The following CSMD1 variants were observed in gnomAD, a reference collection of about 807,000 sequenced individuals.
The protein encoded by CSMD1 is CUB and Sushi multiple domains 1, also known as CUB and sushi domain-containing protein 1.
A neutral mutation model predicts 417.5 loss-of-function variants in CSMD1; 213 were observed. The ratio of observed to expected loss-of-function variants is 0.51; its 90% CI spans 0.46 to 0.57. The LOEUF (loss-of-function observed/expected upper bound fraction) is 0.57, where lower values mean the gene tolerates loss of function less well. CSMD1 is among the 20% of genes least tolerant of loss of function. The pLI is 0.00. For missense variants in CSMD1, 6,923 were observed against 4,529.7 expected (o/e 1.53, Z -15.17); for synonymous variants, 2,862 against 1,736.8 (o/e 1.65, Z -16.11).
intron 1 of CSMD1, among the ~76,000 whole-genome samples, chr8:4,766,478 C>G (rs6558914): frequency 6.6e-6 from 1 of 152,042 alleles, no homozygotes; most frequent in Non-Finnish European, 1.5e-5. Context: ...AAGAAGAGAG[C>G]TGCAACCAGA....
chr8:3,506,931 G>A (rs1041478835), intron 10 of CSMD1, among the ~76,000 whole-genome samples: 1 of 152,096 alleles, frequency 6.6e-6, no homozygotes, highest in Admixed American at 6.6e-5. Flanking sequence ...CTTAATAAAT[G>A]TGTTGATGTT....
At chr8:4,527,153 A>G (rs769066632) in intron 2 of CSMD1, among the ~76,000 whole-genome samples, 2 of 152,174 alleles carry the variant, frequency 1.3e-5, no homozygotes, top group Non-Finnish European at 2.9e-5. Context: ...AAGTTACCCA[A>G]TGACATAAGT....
intron 3 of CSMD1, among the ~76,000 whole-genome samples, chr8:4,258,126 G>A (rs1184984371): frequency 1.3e-5 from 2 of 150,792 alleles, no homozygotes; most frequent in Admixed American, 1.3e-4. Flanking sequence ...TCTATTTTTA[G>A]TAGAGATGAG....
At chr8:4,797,601 G>A (rs1190655208) in intron 1 of CSMD1, among the ~76,000 whole-genome samples, 4 of 152,102 alleles carry the variant, frequency 2.6e-5, no homozygotes, top group Admixed American at 6.5e-5. Context: ...GGGTATGGGG[G>A]GAGAGAGAAA....
intron 5 of CSMD1, among the ~76,000 whole-genome samples, chr8:3,997,358 G>A (rs1365531847): frequency 4.6e-5 from 7 of 152,118 alleles, no homozygotes; most frequent in African/African-American, 7.2e-5. Context: ...CCAGAGAACT[G>A]ACCACCCTGC....
chr8:3,348,983 T>C (rs750002248), intron 21 of CSMD1, among the ~76,000 whole-genome samples: 5 of 152,174 alleles, frequency 3.3e-5, no homozygotes, highest in Non-Finnish European at 7.3e-5. Flanking sequence ...TGGCTACATA[T>C]ACGGGTGCAC....
chr8:3,985,111 G>C (rs577728580), intron 5 of CSMD1, among the ~76,000 whole-genome samples: 4 of 152,092 alleles, frequency 2.6e-5, no homozygotes, highest in African/African-American at 9.6e-5. Context: ...TTGTCATGAA[G>C]AATTACACCA....
intron 5 of CSMD1, among the ~76,000 whole-genome samples, chr8:3,919,314 G>A (rs969130050): frequency 2.5e-4 from 37 of 150,716 alleles, no homozygotes; most frequent in African/African-American, 8.8e-4. Context: ...CATCAATTTT[G>A]TGTGGTCTAA....
chr8:3,626,985 T>A (rs1293924948), intron 7 of CSMD1, among the ~76,000 whole-genome samples: 1 of 151,910 alleles, frequency 6.6e-6, no homozygotes, highest in Non-Finnish European at 1.5e-5. Context: ...TTTACCATAG[T>A]ACGATATATA....
intron 12 of CSMD1, among the ~76,000 whole-genome samples, chr8:3,426,631 G>A (rs1057100172): frequency 1.3e-5 from 2 of 152,106 alleles, no homozygotes; most frequent in Non-Finnish European, 2.9e-5. Context: ...CACTTTCAAG[G>A]TGAGATGCCA....
At chr8:4,251,814 TGGA>T (rs1171092309) in intron 3 of CSMD1, among the ~76,000 whole-genome samples, 4 of 140,058 alleles carry the variant, frequency 2.9e-5, no homozygotes, top group Admixed American at 7.6e-5. Flanking sequence ...GAAGGACAGA[TGGA>T]GGAGGAGAGA....
At chr8:3,581,938 G>A (rs964267320) in intron 9 of CSMD1, among the ~76,000 whole-genome samples, 30 of 152,232 alleles carry the variant, frequency 2.0e-4, no homozygotes, top group African/African-American at 7.2e-4. Context: ...CCGAGTAGCT[G>A]GGATTATAGG....
chr8:3,818,596 C>G lies in CSMD1; in HGVS notation c.819-64554G>C, dbSNP rs1455271583. On this transcript the variant is annotated intron_variant, in intron 5 of 69. Coordinates refer to ENST00000635120, the MANE Select transcript of CSMD1 (RefSeq NM_033225.6). ...GAAGGAGGTGCAAGAATGAGAAGTG[C>G]TAGAAAAGGGAGAAACAGGGTCCCA... is the stretch of plus-strand genomic sequence containing the variant. 2.0e-5 allele frequency among the ~76,000 whole-genome samples: 3 copies of G among 151,802 alleles called. No individual in the cohort carries two copies. The East Asian group carries it at 5.8e-4, about 29-fold the overall frequency.
chr8:4,372,164 G>C (rs1048196743), intron 3 of CSMD1, among the ~76,000 whole-genome samples: 1 of 152,146 alleles, frequency 6.6e-6, no homozygotes, highest in Non-Finnish European at 1.5e-5. Flanking sequence ...CCTTCTACTT[G>C]TCCAAAAAGA....
chr8:3,133,198 T>C (rs1817889240), intron 41 of CSMD1, among the ~76,000 whole-genome samples: 1 of 151,952 alleles, frequency 6.6e-6, no homozygotes, highest in Non-Finnish European at 1.5e-5. Flanking sequence ...TGGCTGCTGC[T>C]GTCCTCCTGG....
intron 9 of CSMD1, among the ~76,000 whole-genome samples, chr8:3,577,349 G>A (rs1476757454): frequency 2.6e-5 from 4 of 152,194 alleles, no homozygotes; most frequent in African/African-American, 9.7e-5. Context: ...AGCAAGTCAT[G>A]GACCCAGTTC....
At chr8:4,070,281 T>A (rs1799476941) in intron 3 of CSMD1, among the ~76,000 whole-genome samples, 1 of 152,204 alleles carries the variant, frequency 6.6e-6, no homozygotes, top group Non-Finnish European at 1.5e-5. Flanking sequence ...AACATAATGT[T>A]GTTATTTTTA....
At chr8:3,318,879 C>T (rs1372501697) in intron 23 of CSMD1, among the ~76,000 whole-genome samples, 2 of 152,122 alleles carry the variant, frequency 1.3e-5, no homozygotes, top group African/African-American at 4.8e-5. Context: ...AGGTGGGTGA[C>T]TGTAAACTAA....
intron 7 of CSMD1, among the ~76,000 whole-genome samples, chr8:3,664,680 A>G (rs904189418): frequency 2.0e-5 from 3 of 152,242 alleles, no homozygotes; most frequent in African/African-American, 7.2e-5. Flanking sequence ...TGCATCAAGA[A>G]GCTGAAAAGA....
Sources: gnomAD v4.1 joint callset for allele counts (sites outside exome capture counted in the v4.1 genomes callset) on GRCh38, gnomAD v4.1.1 for gene constraint, MANE v1.5 for transcripts, NCBI Gene and HGNC (gene_info 2026-07-23, HGNC 2026-07-21) for gene names.